Variants in EML6 observed in about 807,000 individuals in gnomAD.
EML6 encodes the protein EMAP like 6, also known as echinoderm microtubule-associated protein-like 6.
Under a neutral mutation model 240.1 loss-of-function variants are expected in EML6, and 154 were observed. The ratio of observed to expected loss-of-function variants is 0.64; its 90% CI spans 0.56 to 0.73. The LOEUF is 0.73. Among genes scored for constraint, EML6 ranks in the 30% least tolerant of loss-of-function variants. The probability of loss-of-function intolerance (pLI) is 0.00; values close to 1 mark genes in which losing one functional copy is unlikely to be tolerated. For synonymous variants in EML6, 1,148 were observed against 899.0 expected (o/e 1.28, Z -4.95); for missense variants, 2,964 against 2,474.6 (o/e 1.20, Z -4.20).
intron 17 of EML6, among the ~76,000 whole-genome samples, chr2:54,888,433 G>T (rs1054088754): frequency 6.6e-6 from 1 of 152,100 alleles, no homozygotes. Flanking sequence ...AACCAGATTG[G>T]GCTGATTCTG....
intron 32 of EML6, among the ~76,000 whole-genome samples, chr2:54,955,259 C>G (rs889787189): frequency 1.3e-5 from 2 of 152,096 alleles, no homozygotes; most frequent in African/African-American, 2.4e-5. Context: ...CAGACTCAGC[C>G]CAGAGAAATT....
chr2:54,884,624 A>C (rs1672022346), intron 17 of EML6, among the ~76,000 whole-genome samples: 1 of 152,240 alleles, frequency 6.6e-6, no homozygotes. Flanking sequence ...GTAGTAGGTC[A>C]GGAAATGGAG....
chr2:54,866,550 A>G (rs6706747), intron 13 of EML6, among the ~76,000 whole-genome samples: 6,059 of 152,316 alleles, frequency 0.04, 421 homozygotes, highest in African/African-American at 0.14. Context: ...AGAAAACAGT[A>G]ACAAATCAAG....
At chr2:54,927,304 A>C (rs1046422723) in intron 26 of EML6, among the ~76,000 whole-genome samples, 6 of 152,102 alleles carry the variant, frequency 3.9e-5, no homozygotes, top group Admixed American at 6.5e-5. Context: ...ACCCTCCTGC[A>C]CCTGTTTCCT....
intron 24 of EML6, among the ~76,000 whole-genome samples, chr2:54,905,362 A>G (rs1193463858): frequency 2.0e-5 from 3 of 150,710 alleles, no homozygotes; most frequent in South Asian, 2.1e-4. Flanking sequence ...ACACACACAC[A>G]CACACACACA....
intron 7 of EML6, among the ~76,000 whole-genome samples, chr2:54,830,427 T>C (rs1668811502): frequency 6.6e-6 from 1 of 152,144 alleles, no homozygotes; most frequent in South Asian, 2.1e-4. Context: ...TCTTTTTCAG[T>C]GCCGAGATGA....
intron 21 of EML6, among the ~76,000 whole-genome samples, chr2:54,899,293 T>C (rs1303609995): frequency 1.3e-5 from 2 of 152,352 alleles, no homozygotes; most frequent in South Asian, 2.1e-4. Flanking sequence ...ACATATATAC[T>C]ATGTTTATTT....
intron 2 of EML6, among the ~76,000 whole-genome samples, chr2:54,730,240 T>A (rs1683095102): frequency 6.6e-6 from 1 of 152,288 alleles, no homozygotes; most frequent in East Asian, 1.9e-4. Flanking sequence ...TTAAAAAAAA[T>A]TATTTTAGTC....
chr2:54,842,126 A>G (rs1669492618), intron 7 of EML6, among the ~76,000 whole-genome samples: 1 of 151,986 alleles, frequency 6.6e-6, no homozygotes, highest in Non-Finnish European at 1.5e-5. Context: ...TTGGTGGCGT[A>G]TATTCTGTGG....
At chr2:54,881,637 A>G (rs1290329352) in intron 17 of EML6, 1 of 128,358 alleles carries the variant, frequency 7.8e-6, no homozygotes, top group Admixed American at 8.5e-5. Context: ...TGACAGAGTG[A>G]GACTCCGTCC....
chr2:54,945,839 C>A (rs748223332), intron 28 of EML6, among the ~76,000 whole-genome samples: 5 of 152,222 alleles, frequency 3.3e-5, no homozygotes, highest in Admixed American at 1.3e-4. Context: ...TCTAAGCTTT[C>A]TCTTCAGCAG....
intron 2 of EML6, among the ~76,000 whole-genome samples, chr2:54,797,186 A>AAAAAAAAC (rs1558557089): frequency 6.7e-6 from 1 of 149,296 alleles, no homozygotes; most frequent in African/African-American, 2.5e-5. Context: ...AAAAAAAAAA[A>AAAAAAAAC]AAACTGTGAT....
At chr2:54,835,807 T>A (rs1451931928) in intron 7 of EML6, among the ~76,000 whole-genome samples, 1 of 152,114 alleles carries the variant, frequency 6.6e-6, no homozygotes, top group Admixed American at 6.5e-5. Flanking sequence ...GGGAAGCTGC[T>A]AAAAGTATTA....
intron 2 of EML6, among the ~76,000 whole-genome samples, chr2:54,798,431 C>A (rs1334166029): frequency 1.3e-5 from 2 of 152,148 alleles, no homozygotes; most frequent in Non-Finnish European, 2.9e-5. Context: ...CCTCAGCCCC[C>A]TAAAGTGCTG....
chr2:54,779,277 G>A (rs1009804656), intron 2 of EML6, among the ~76,000 whole-genome samples: 2 of 151,798 alleles, frequency 1.3e-5, no homozygotes, highest in African/African-American at 4.8e-5. Flanking sequence ...AGTGGCTCAC[G>A]CCTATAATCC....
intron 2 of EML6, among the ~76,000 whole-genome samples, chr2:54,773,360 T>G (rs1189250647): frequency 6.6e-6 from 1 of 152,228 alleles, no homozygotes. Context: ...CCCTGAGCAC[T>G]TCTATGTGCC....
chr2:54,915,045 G>C (rs776329205), intron 25 of EML6, among the ~76,000 whole-genome samples: 13 of 152,070 alleles, frequency 8.5e-5, no homozygotes, highest in Non-Finnish European at 1.8e-4. Context: ...GTCTACCTGA[G>C]GCAAGGTGCT....
intron 7 of EML6, among the ~76,000 whole-genome samples, chr2:54,831,342 T>C (rs997036533): frequency 6.6e-6 from 1 of 152,156 alleles, no homozygotes; most frequent in Non-Finnish European, 1.5e-5. Context: ...TAAGAAGCCA[T>C]TGGTTTACGC....
intron 7 of EML6, among the ~76,000 whole-genome samples, chr2:54,842,860 G>A (rs1364348901): frequency 6.6e-6 from 1 of 152,142 alleles, no homozygotes; most frequent in East Asian, 1.9e-4. Context: ...AGAGGCTTGT[G>A]GAGAAGATTC....
Sources: allele counts gnomAD v4.1 joint callset (sites outside exome capture counted in the v4.1 genomes callset), GRCh38; gene constraint gnomAD v4.1.1; transcripts MANE v1.5; gene names NCBI Gene and HGNC (gene_info 2026-07-23, HGNC 2026-07-21).